Variants in ROBO1 observed in about 807,000 individuals in gnomAD.
The protein encoded by ROBO1 is roundabout homolog 1.
A neutral mutation model predicts 195.9 loss-of-function variants in ROBO1; 149 were observed. That is an observed-to-expected ratio of 0.76 (90% CI 0.67 to 0.87). ROBO1 has a LOEUF of 0.87. ROBO1 is among the 40% of genes least tolerant of loss of function. ROBO1 has a pLI of 0.00. For missense variants in ROBO1, 1,933 were observed against 2,068.3 expected (o/e 0.93, Z 1.27); for synonymous variants, 816 against 733.2 (o/e 1.11, Z -1.82).
At chr3:78,681,008 A>G (rs2080890503) in intron 10 of ROBO1, among the ~76,000 whole-genome samples, 1 of 151,798 alleles carries the variant, frequency 6.6e-6, no homozygotes, top group African/African-American at 2.4e-5. Flanking sequence ...CAGCCATAAA[A>G]AATGATGAGT....
At chr3:79,611,755 G>A (rs1226323733) in intron 1 of ROBO1, among the ~76,000 whole-genome samples, 1 of 152,046 alleles carries the variant, frequency 6.6e-6, no homozygotes, top group Admixed American at 6.6e-5. Flanking sequence ...GGGGACTAAG[G>A]GAGAGATAGC....
intron 2 of ROBO1, among the ~76,000 whole-genome samples, chr3:79,402,376 T>G (rs899995176): frequency 6.6e-6 from 1 of 151,978 alleles, no homozygotes; most frequent in East Asian, 1.9e-4. Context: ...TTGCATACTG[T>G]GAGGTGGATT....
At chr3:79,419,976 T>C (rs1348200917) in intron 2 of ROBO1, among the ~76,000 whole-genome samples, 5 of 152,130 alleles carry the variant, frequency 3.3e-5, no homozygotes, top group Admixed American at 3.3e-4. Flanking sequence ...TGAAATTTAC[T>C]TCTGGCTCTC....
At chr3:79,016,613 G>A (rs894308304) in intron 3 of ROBO1, among the ~76,000 whole-genome samples, 4 of 152,034 alleles carry the variant, frequency 2.6e-5, no homozygotes, top group African/African-American at 9.7e-5. Flanking sequence ...AAGTTGACAC[G>A]ACCAACTTTC....
At chr3:78,639,610 G>T in intron 22 of ROBO1, 134 bp downstream of exon 22, 2 of 778,180 alleles carry the variant, frequency 2.6e-6, no homozygotes, top group Non-Finnish European at 3.7e-6. Flanking sequence ...AGGCTATTTT[G>T]CTAAACAATA....
chr3:78,736,419 A>G (rs1450332274), intron 5 of ROBO1, among the ~76,000 whole-genome samples: 2 of 152,172 alleles, frequency 1.3e-5, no homozygotes, highest in Non-Finnish European at 2.9e-5. Context: ...AAACAAACAG[A>G]TAACAGGAAG....
intron 10 of ROBO1, among the ~76,000 whole-genome samples, chr3:78,674,387 A>G (rs768126258): frequency 7.0e-4 from 107 of 152,346 alleles, no homozygotes; most frequent in Admixed American, 2.0e-3. Flanking sequence ...CCTACTAGCC[A>G]TCCTCTGGAC....
At chr3:78,825,509 A>T (rs996218117) in intron 4 of ROBO1, among the ~76,000 whole-genome samples, 13 of 152,196 alleles carry the variant, frequency 8.5e-5, no homozygotes. Context: ...GATGGTGCTC[A>T]TAAAGACAGG....
intron 1 of ROBO1, among the ~76,000 whole-genome samples, chr3:79,619,725 A>C (rs2107969592): frequency 6.6e-6 from 1 of 152,270 alleles, no homozygotes; most frequent in East Asian, 1.9e-4. Context: ...ATAAAAACCC[A>C]GCCCAGTCCA....
At chr3:79,735,878 AAAAAAAAAC>A (rs1174918987) in intron 1 of ROBO1, among the ~76,000 whole-genome samples, 1 of 97,300 alleles carries the variant, frequency 1.0e-5, no homozygotes, top group African/African-American at 4.1e-5. Flanking sequence ...CTCAAAAAAA[AAAAAAAAAC>A]AAAAAAAAAA....
intron 2 of ROBO1, among the ~76,000 whole-genome samples, chr3:79,565,052 A>G (rs918320443): frequency 2.0e-5 from 3 of 152,154 alleles, no homozygotes; most frequent in Admixed American, 1.3e-4. Flanking sequence ...CACTTATTCA[A>G]TCATGAGGTT....
At position 78,627,530 on chromosome 3, in the gene ROBO1, C is replaced by G; in HGVS notation, c.3666G>C (p.Arg1222Ser). ...QEMPCPVPPA[R>S]MYLQQDELEE... ...CTAATTCATCTTGTTGCAAATACAT[C>G]CTTGCTGGTGGCACGGGACATGGCA... Residue 1222 changes from arginine to serine, a missense_variant, in exon 26 of 31, where the codon AGG (arginine) becomes AGC (serine). Around this residue, in one of 3 missense-constraint regions of ROBO1, gnomAD observed 1,737 missense variants for 1,882.5 expected, o/e 0.92. Coordinates refer to ENST00000464233, the MANE Select transcript of ROBO1 (RefSeq NM_002941.4). 1 of 1,613,302 alleles carries G rather than the reference C, an allele frequency of 6.2e-7. No individual in the cohort carries two copies.
At chr3:79,058,612 G>A (rs767152049) in intron 3 of ROBO1, among the ~76,000 whole-genome samples, 2 of 152,080 alleles carry the variant, frequency 1.3e-5, no homozygotes, top group Non-Finnish European at 2.9e-5. Context: ...GTTGTGTTAA[G>A]CCTCCTCACA....
At chr3:78,943,456 A>T (rs534742573) in intron 3 of ROBO1, among the ~76,000 whole-genome samples, 1 of 152,312 alleles carries the variant, frequency 6.6e-6, no homozygotes, top group East Asian at 1.9e-4. Context: ...GTACACAACA[A>T]TTCAGTAAAT....
At chr3:79,715,703 T>C (rs147406745) in intron 1 of ROBO1, among the ~76,000 whole-genome samples, 12 of 152,116 alleles carry the variant, frequency 7.9e-5, no homozygotes, top group African/African-American at 2.4e-4. Flanking sequence ...ATTTTAATTA[T>C]ATAATTTATG....
At position 79,371,851 on chromosome 3, in the gene ROBO1, G is replaced by C. The variant is rs762285021; in HGVS notation, c.88+217973C>G. Among the ~76,000 whole-genome samples the C allele has an allele frequency of 1.7e-4, 26 of 152,258 alleles. No individual in the cohort carries two copies. The East Asian group carries it at 2.9e-3, about 17-fold the overall frequency. On this transcript the variant is annotated intron_variant, in intron 2 of 30. Coordinates refer to ENST00000464233, the MANE Select transcript of ROBO1 (RefSeq NM_002941.4). The stretch of plus-strand genomic sequence containing the variant: ...CATCTGATAGGATTAATGTTCTAGT[G>C]CAGTGGTCCCTAACCTTTTAGGCAC...
chr3:78,919,143 A>G (rs2038797641), intron 4 of ROBO1, among the ~76,000 whole-genome samples: 1 of 152,182 alleles, frequency 6.6e-6, no homozygotes, highest in Non-Finnish European at 1.5e-5. Flanking sequence ...ACCGGTTATT[A>G]CATCAGACCA....
chr3:78,848,924 G>C (rs567792458), intron 4 of ROBO1, among the ~76,000 whole-genome samples: 2 of 152,166 alleles, frequency 1.3e-5, no homozygotes, highest in African/African-American at 4.8e-5. Context: ...TAAAGATGAT[G>C]GTGGCTCGGT....
intron 4 of ROBO1, among the ~76,000 whole-genome samples, chr3:78,891,980 A>G (rs1461521361): frequency 6.6e-6 from 1 of 152,218 alleles, no homozygotes; most frequent in Admixed American, 6.5e-5. Flanking sequence ...AATGATGGAC[A>G]TGTTCTATTT....
Sources: gnomAD v4.1 joint callset for allele counts (sites outside exome capture counted in the v4.1 genomes callset) on GRCh38, gnomAD v4.1.1 for gene constraint, gnomAD v4.1.1 regional missense constraint, MANE v1.5 for transcripts, NCBI Gene and HGNC (gene_info 2026-07-23, HGNC 2026-07-21) for gene names.